EFCAB11: variants seen among roughly 807,000 people sequenced by gnomAD.
The protein encoded by EFCAB11 is EF-hand calcium binding domain 11.
In EFCAB11, 14 loss-of-function variants were observed where a neutral mutation model predicts 23.0. The observed-to-expected ratio is 0.61, with a 90% CI of 0.40 to 0.95. EFCAB11 has a LOEUF of 0.95. EFCAB11 is among the 40% of genes least tolerant of loss of function. The pLI is 0.00. For missense variants in EFCAB11, 198 were observed against 195.8 expected (o/e 1.01, Z -0.07); for synonymous variants, 65 against 66.6 (o/e 0.98, Z 0.11).
chr14:89,904,793 C>A (rs1419512899), intron 5 of EFCAB11, among the ~76,000 whole-genome samples: 1 of 152,160 alleles, frequency 6.6e-6, no homozygotes, highest in African/African-American at 2.4e-5. Flanking sequence ...AGTGTCTGTT[C>A]ATATCCTTTG....
At chr14:89,945,064 T>C (rs1890931455) in intron 3 of EFCAB11, among the ~76,000 whole-genome samples, 1 of 150,386 alleles carries the variant, frequency 6.6e-6, no homozygotes, top group Non-Finnish European at 1.5e-5. Flanking sequence ...ATAAATCTAA[T>C]AAAATATTAG....
chr14:89,855,991 A>G (rs1238316079), intron 5 of EFCAB11, among the ~76,000 whole-genome samples: 2 of 152,198 alleles, frequency 1.3e-5, no homozygotes, highest in African/African-American at 2.4e-5. Context: ...ACTCCATCGT[A>G]TATATACACC....
At chr14:89,812,270 G>T (rs1886174904) in intron 5 of EFCAB11, among the ~76,000 whole-genome samples, 1 of 152,162 alleles carries the variant, frequency 6.6e-6, no homozygotes, top group African/African-American at 2.4e-5. Flanking sequence ...TTTATATAAA[G>T]AAAACTACAG....
At position 89,859,274 on chromosome 14, in the gene EFCAB11, GA is replaced by G. The variant is rs559243544; in HGVS notation, c.411-61951del. On this transcript the variant is annotated intron_variant, in intron 5 of 5. Transcript: ENST00000316738. The stretch of plus-strand genomic sequence containing the variant: ...CAAGGTTTTAGATCTGCAAACAGAA[GA>G]AAGGGCATTTTCCTCTCATTTATTA... Among the ~76,000 whole-genome samples the G allele has an allele frequency of 6.6e-5, 10 of 152,272 alleles. No homozygotes were observed. The South Asian group carries it at 1.9e-3, about 28-fold the overall frequency.
In EFCAB11 at chr14:89,866,874, C is replaced by T. The variant is rs555791788; in HGVS notation, c.410+64667G>A. Among the ~76,000 whole-genome samples the T allele has an allele frequency of 3.7e-4, 57 of 152,266 alleles. No homozygotes were observed. In the Middle Eastern group the frequency reaches 0.01, roughly 27 times the overall value. Reference sequence around the variant, plus strand: ...CTGGAGTGCAGTGGCACAATCTTGGCCCACTCCAACCTCAGTCTCCTGAGT... The same window carrying T: ...CTGGAGTGCAGTGGCACAATCTTGGTCCACTCCAACCTCAGTCTCCTGAGT... On this transcript the variant is annotated intron_variant, in intron 5 of 5. Transcript: ENST00000316738.
chr14:89,839,791 G>A (rs1453265457), intron 5 of EFCAB11, among the ~76,000 whole-genome samples: 3 of 150,572 alleles, frequency 2.0e-5, no homozygotes, highest in Admixed American at 6.6e-5. Context: ...CTGGAGCAGG[G>A]GGAAGAGAGA....
At chr14:89,877,343 A>G (rs928309995) in intron 5 of EFCAB11, among the ~76,000 whole-genome samples, 20 of 152,088 alleles carry the variant, frequency 1.3e-4, no homozygotes, top group Admixed American at 1.2e-3. Context: ...CGGCCAACCA[A>G]AAGTATTTTT....
chr14:89,804,052 C>T (rs182294143), intron 5 of EFCAB11, among the ~76,000 whole-genome samples: 1 of 152,328 alleles, frequency 6.6e-6, no homozygotes, highest in African/African-American at 2.4e-5. Flanking sequence ...TCCCTTTGTG[C>T]CCGTCCCACG....
At chr14:89,874,500 C>T (rs1052318680) in intron 5 of EFCAB11, among the ~76,000 whole-genome samples, 1 of 152,224 alleles carries the variant, frequency 6.6e-6, no homozygotes. Flanking sequence ...ATTGCACTGT[C>T]ATGCTGCAGA....
chr14:89,910,141 T>C (rs1369767934), intron 5 of EFCAB11, among the ~76,000 whole-genome samples: 2 of 152,212 alleles, frequency 1.3e-5, no homozygotes, highest in Non-Finnish European at 2.9e-5. Context: ...CTAACAAATA[T>C]GTGTTTCCAA....
intron 5 of EFCAB11, among the ~76,000 whole-genome samples, chr14:89,835,584 A>ATGTGTGTGTG (rs1566777555): frequency 2.7e-5 from 2 of 73,406 alleles, no homozygotes; most frequent in South Asian, 6.2e-4. Context: ...GGGATGCTCA[A>ATGTGTGTGTG]CGTGTGTGTG....
Position 89,895,083 on chromosome 14 carries a change from T to C in EFCAB11, c.410+36458A>G, listed in dbSNP as rs73320747. Among the ~76,000 whole-genome samples, 368 of 152,304 alleles carry C rather than the reference T, an allele frequency of 2.4e-3. 2 individuals carry two copies. Among genetic ancestry groups the C allele is most frequent in the African/African-American group, 8.6e-3 (356 of 41,560 alleles). ...GTTTCCTATGTGCAATATTTCATAATAATAGGATCTACCTCAAAAGACTGC... is the reference window on the plus strand; with the variant it reads ...GTTTCCTATGTGCAATATTTCATAACAATAGGATCTACCTCAAAAGACTGC... On this transcript the variant is annotated intron_variant, in intron 5 of 5. Coordinates refer to ENST00000316738, the MANE Select transcript of EFCAB11 (RefSeq NM_145231.4).
intron 5 of EFCAB11, among the ~76,000 whole-genome samples, chr14:89,917,265 C>A (rs1195682669): frequency 6.6e-6 from 1 of 152,068 alleles, no homozygotes; most frequent in Non-Finnish European, 1.5e-5. Flanking sequence ...CACTTCCCAG[C>A]CCCTGGCAAC....
intron 5 of EFCAB11, among the ~76,000 whole-genome samples, chr14:89,855,170 C>CTTT (rs764566938): frequency 7.1e-6 from 1 of 141,084 alleles, no homozygotes; most frequent in South Asian, 2.2e-4. Context: ...AGGACAGCTT[C>CTTT]TTTTTTTTTT....
Position 89,846,921 on chromosome 14 carries a change from TAAGG to T in EFCAB11, c.411-49601_411-49598del, listed in dbSNP as rs560268372. On this transcript the variant is annotated intron_variant, in intron 5 of 5. Transcript: ENST00000316738. ...TTTGGATCCCATCTCTCCTATCTCC[TAAGG>T]AAGGGTCTTGCTTTCTTCAATCACA... 2.3e-3 allele frequency among the ~76,000 whole-genome samples: 349 copies of T among 152,322 alleles called. 2 individuals are homozygous for T. Among genetic ancestry groups the T allele is most frequent in the Non-Finnish European group, 4.1e-3 (276 of 68,034 alleles).
intron 5 of EFCAB11, among the ~76,000 whole-genome samples, chr14:89,929,175 T>C (rs1210910079): frequency 6.6e-6 from 1 of 151,792 alleles, no homozygotes; most frequent in Non-Finnish European, 1.5e-5. Context: ...GCCTCCCAAA[T>C]AGCTAGCAGC....
chr14:89,817,053 GA>G (rs1886357597), intron 5 of EFCAB11, among the ~76,000 whole-genome samples: 1 of 151,852 alleles, frequency 6.6e-6, no homozygotes, highest in African/African-American at 2.4e-5. Context: ...TTTTATAAAA[GA>G]AAAAATGAAA....
chr14:89,818,873 T>G (rs1416000791), intron 5 of EFCAB11, among the ~76,000 whole-genome samples: 1 of 151,822 alleles, frequency 6.6e-6, no homozygotes, highest in Non-Finnish European at 1.5e-5. Flanking sequence ...AAAGATCGAG[T>G]GTTAGTGAGG....
At chr14:89,869,464 A>G (rs983562262) in intron 5 of EFCAB11, among the ~76,000 whole-genome samples, 1 of 152,168 alleles carries the variant, frequency 6.6e-6, no homozygotes, top group Non-Finnish European at 1.5e-5. Flanking sequence ...CACAACTGTA[A>G]GACATTCTCA....
Sources: gnomAD v4.1 joint callset for allele counts (sites outside exome capture counted in the v4.1 genomes callset) on GRCh38, gnomAD v4.1.1 for gene constraint, MANE v1.5 for transcripts, NCBI Gene and HGNC (gene_info 2026-07-23, HGNC 2026-07-21) for gene names.